Variants in IL12RB2 observed in about 807,000 individuals in gnomAD.
IL12RB2 encodes interleukin-12 receptor subunit beta-2.
IL12RB2 carries 82 observed loss-of-function variants against 89.4 expected under a neutral mutation model. That is an observed-to-expected ratio of 0.92 (90% CI 0.77 to 1.10). The LOEUF (loss-of-function observed/expected upper bound fraction) is 1.10. Ranked by LOEUF, IL12RB2 falls within the 50% of genes least tolerant of loss-of-function variation. IL12RB2 has a pLI of 0.00. For missense variants in IL12RB2, 963 were observed against 1,031.9 expected (o/e 0.93, Z 0.92); for synonymous variants, 368 against 370.1 (o/e 0.99, Z 0.07).
intron 9 of IL12RB2, among the ~76,000 whole-genome samples, chr1:67,348,317 G>T (rs1455040765): frequency 6.6e-6 from 1 of 152,166 alleles, no homozygotes; most frequent in Non-Finnish European, 1.5e-5. Flanking sequence ...GGTGACTGAG[G>T]ATTTCAACTA....
At chr1:67,377,220 T>C (rs1396290856) in intron 13 of IL12RB2, among the ~76,000 whole-genome samples, 1 of 152,206 alleles carries the variant, frequency 6.6e-6, no homozygotes, top group Non-Finnish European at 1.5e-5. Flanking sequence ...GATTCTTTGC[T>C]TTTGTATTGT....
At chr1:67,346,371 G>GTTATTTTTTTTTTT (rs1557429350) in intron 9 of IL12RB2, among the ~76,000 whole-genome samples, 1 of 134,554 alleles carries the variant, frequency 7.4e-6, no homozygotes, top group African/African-American at 2.8e-5. Flanking sequence ...CCAGGTGAGG[G>GTTATTTTTTTTTTT]TTGTCTATTT....
chr1:67,311,996 CAG>C (rs1267295907), intron 1 of IL12RB2, among the ~76,000 whole-genome samples: 1 of 152,198 alleles, frequency 6.6e-6, no homozygotes, highest in Non-Finnish European at 1.5e-5. Flanking sequence ...TGTCCACAAA[CAG>C]AGACTTCCAG....
intron 10 of IL12RB2, among the ~76,000 whole-genome samples, chr1:67,354,189 AG>A (rs1228640636): frequency 6.6e-6 from 1 of 152,156 alleles, no homozygotes; most frequent in East Asian, 1.9e-4. Context: ...CTTGGAGAGG[AG>A]GCCAGGAGAG....
chr1:67,340,111 T>G (rs2100756967), intron 9 of IL12RB2, among the ~76,000 whole-genome samples: 1 of 152,362 alleles, frequency 6.6e-6, no homozygotes, highest in South Asian at 2.1e-4. Context: ...TCTTCAGTTT[T>G]AAGAAATGAG....
At chr1:67,313,074 A>T (rs983008255) in intron 1 of IL12RB2, among the ~76,000 whole-genome samples, 13 of 152,256 alleles carry the variant, frequency 8.5e-5, no homozygotes, top group Admixed American at 3.3e-4. Flanking sequence ...ATGGCTTGTT[A>T]CATTCTTTCA....
At chr1:67,360,624 T>A (rs1661933515) in intron 10 of IL12RB2, among the ~76,000 whole-genome samples, 1 of 151,560 alleles carries the variant, frequency 6.6e-6, no homozygotes, top group African/African-American at 2.4e-5. Flanking sequence ...GGCAAAACCC[T>A]GTCTCTACTA....
At chr1:67,321,148 T>A (rs1656462084) in intron 3 of IL12RB2, among the ~76,000 whole-genome samples, 1 of 152,156 alleles carries the variant, frequency 6.6e-6, no homozygotes, top group Admixed American at 6.6e-5. Flanking sequence ...ACTTTTTTAA[T>A]ACTCTTTTAA....
intron 16 of IL12RB2, among the ~76,000 whole-genome samples, chr1:67,392,188 T>C (rs533362544): frequency 3.0e-4 from 45 of 152,250 alleles, no homozygotes; most frequent in Non-Finnish European, 5.4e-4. Flanking sequence ...AGGAAGGTGA[T>C]AGAAATTGGT....
At chr1:67,392,623 C>CTTTTTT (rs527587132) in intron 16 of IL12RB2, among the ~76,000 whole-genome samples, 2 of 84,250 alleles carry the variant, frequency 2.4e-5, no homozygotes, top group African/African-American at 4.8e-5. Flanking sequence ...TTTTAGATAT[C>CTTTTTT]TTTTTTTTTT....
chr1:67,367,976 T>C lies in IL12RB2; in HGVS notation c.1410T>C (p.Pro470=). The stretch of plus-strand genomic sequence containing the variant: ...ATCCAGGGGGTGACACACAGGTCCC[T>C]CTAAACTGGCTACGGAGTCGACCCT... ...ELHPGGDTQV[P]LNWLRSRPYN... is the part of the protein sequence containing the mutation. The change falls in exon 11 of 17, where the codon CCT becomes CCC. Residue 470 remains proline, a synonymous_variant. Transcript: ENST00000674203. 3.7e-6 allele frequency: 6 copies of C among 1,611,622 alleles called. No individual in the cohort carries two copies. The highest frequency in any genetic ancestry group is 4.2e-6 in the Non-Finnish European group (5 of 1,177,730).
chr1:67,313,356 T>C (rs1288192389), intron 1 of IL12RB2, among the ~76,000 whole-genome samples: 3 of 152,194 alleles, frequency 2.0e-5, no homozygotes, highest in Admixed American at 6.5e-5. Context: ...TAGATAGATA[T>C]CATAAAGATT....
At chr1:67,363,641 T>A (rs146377040) in intron 10 of IL12RB2, among the ~76,000 whole-genome samples, 1 of 152,350 alleles carries the variant, frequency 6.6e-6, no homozygotes, top group Non-Finnish European at 1.5e-5. Context: ...ATAAGTGAAA[T>A]GAAAGATAGC....
chr1:67,313,147 T>C (rs930216611), intron 1 of IL12RB2, among the ~76,000 whole-genome samples: 1 of 152,220 alleles, frequency 6.6e-6, no homozygotes, highest in African/African-American at 2.4e-5. Flanking sequence ...GGAAATTTCA[T>C]GAAGAAGAGA....
Position 67,396,338 on chromosome 1 carries a change from A to G in IL12RB2, c.*249A>G, listed in dbSNP as rs578070719. On this transcript the variant is annotated 3_prime_UTR_variant, in exon 17 of 17. Transcript: ENST00000674203. ...TCACTGTGTGGACCTAGAGACTCCA[A>G]CTTGAATTCCTAGTAACTTTCTTGG... The G allele has an allele frequency of 5.4e-4, 308 of 573,672 alleles. No homozygotes were observed. The highest frequency in any genetic ancestry group is 7.0e-4 in the Non-Finnish European group (225 of 319,198). The allele number at this position is 573,672 out of a possible 1,614,324, so 35.5% of individuals were successfully genotyped here.
chr1:67,376,714 G>GTGTGTGTA (rs1272224356), intron 13 of IL12RB2, among the ~76,000 whole-genome samples: 4 of 151,996 alleles, frequency 2.6e-5, no homozygotes, highest in Admixed American at 6.6e-5. Flanking sequence ...GTGTGTGTGT[G>GTGTGTGTA]TGTATGTGTG....
intron 13 of IL12RB2, among the ~76,000 whole-genome samples, chr1:67,373,298 CAG>C (rs1213657556): frequency 6.6e-6 from 1 of 152,118 alleles, no homozygotes; most frequent in East Asian, 1.9e-4. Context: ...TTTGTAAAGA[CAG>C]AGTCTCCCTG....
rs777569105 is a variant in IL12RB2, at chr1:67,390,116, T to C, written c.2034T>C (p.Tyr678=). Residue 678 remains tyrosine, a synonymous_variant, in exon 16 of 17, where the codon TAT becomes TAC. Coordinates refer to ENST00000674203, the MANE Select transcript of IL12RB2 (RefSeq NM_001374259.2). ...DPANSTCAKK[Y]PIAEEKTQLP... is the part of the protein sequence containing the mutation. ...CAAATAGCACTTGCGCTAAGAAATA[T>C]CCCATTGCAGAGGTAAGGTACAATT... The C allele has an allele frequency of 8.4e-7, 1 of 1,192,004 alleles. No homozygotes were observed. The highest frequency in any genetic ancestry group is 1.2e-5 in the South Asian group (1 of 82,772). The allele number at this position is 1,192,004 out of a possible 1,614,324, so 73.8% of individuals were successfully genotyped here.
At chr1:67,388,950 C>A (rs1253166688) in intron 15 of IL12RB2, among the ~76,000 whole-genome samples, 1 of 151,790 alleles carries the variant, frequency 6.6e-6, no homozygotes. Flanking sequence ...TTTGGGTAGA[C>A]TTTGAAAAAG....
Sources: allele counts gnomAD v4.1 joint callset (sites outside exome capture counted in the v4.1 genomes callset), GRCh38; gene constraint gnomAD v4.1.1; transcripts MANE v1.5; gene names NCBI Gene and HGNC (gene_info 2026-07-23, HGNC 2026-07-21).